The following SOX5 variants were observed in gnomAD, a reference collection of about 807,000 sequenced individuals.
SOX5 encodes transcription factor SOX-5.
A neutral mutation model predicts 92.0 loss-of-function variants in SOX5; 9 were observed. The ratio of observed to expected loss-of-function variants is 0.10; its 90% confidence interval spans 0.06 to 0.17. The LOEUF (loss-of-function observed/expected upper bound fraction) is 0.17. SOX5 is among the 10% of genes least tolerant of loss of function. The pLI is 1.00. For synonymous variants in SOX5, 344 were observed against 336.3 expected (o/e 1.02, Z -0.25); for missense variants, 642 against 944.5 (o/e 0.68, Z 4.20).
intron 4 of SOX5, among the ~76,000 whole-genome samples, chr12:23,965,503 C>A (rs963465827): frequency 6.6e-6 from 1 of 152,160 alleles, no homozygotes; most frequent in Admixed American, 6.5e-5. Flanking sequence ...TGTGGACAGA[C>A]CATCTGTGCT....
intron 1 of SOX5, among the ~76,000 whole-genome samples, chr12:24,374,146 G>A (rs761512548): frequency 1.2e-4 from 18 of 152,266 alleles, no homozygotes; most frequent in Admixed American, 2.6e-4. Context: ...GCTCAGAGGC[G>A]GGGTTCAGGC....
chr12:24,127,208 T>G (rs1949187848), intron 4 of SOX5, among the ~76,000 whole-genome samples: 1 of 151,520 alleles, frequency 6.6e-6, no homozygotes, highest in Non-Finnish European at 1.5e-5. Context: ...CTGGGCAACA[T>G]GGCAAAACCC....
intron 7 of SOX5, among the ~76,000 whole-genome samples, chr12:23,658,841 C>T (rs1052571669): frequency 6.6e-6 from 1 of 152,058 alleles, no homozygotes; most frequent in African/African-American, 2.4e-5. Flanking sequence ...TGCAGTGAGC[C>T]GAGATCGTGC....
chr12:24,148,571 TG>T (rs1053250064), intron 4 of SOX5, among the ~76,000 whole-genome samples: 1 of 148,010 alleles, frequency 6.8e-6, no homozygotes, highest in Admixed American at 6.8e-5. Flanking sequence ...TCACAGGGGC[TG>T]GGTGTGGTGT....
intron 8 of SOX5, among the ~76,000 whole-genome samples, chr12:23,616,358 T>C (rs147537559): frequency 1.3e-5 from 2 of 152,226 alleles, no homozygotes; most frequent in Admixed American, 6.5e-5. Flanking sequence ...ACATTTCTCC[T>C]GCTGCTTCCC....
intron 3 of SOX5, among the ~76,000 whole-genome samples, chr12:23,804,918 TATATA>T (rs2095736909): frequency 2.0e-3 from 8 of 4,026 alleles, no homozygotes; most frequent in South Asian, 0.012. Flanking sequence ...CATTGTTTTA[TATATA>T]TATATATATA....
At chr12:23,734,451 G>C (rs1390093255) in intron 6 of SOX5, among the ~76,000 whole-genome samples, 2 of 152,078 alleles carry the variant, frequency 1.3e-5, no homozygotes, top group Admixed American at 1.3e-4. Flanking sequence ...TTTCTTCTCA[G>C]CATAAGATGA....
At chr12:24,440,863 C>A (rs1940435069) in intron 1 of SOX5, among the ~76,000 whole-genome samples, 1 of 152,160 alleles carries the variant, frequency 6.6e-6, no homozygotes, top group South Asian at 2.1e-4. Context: ...AGCCCTGCTG[C>A]AGCTCTGATG....
chr12:23,801,911 C>G (rs899397412), intron 3 of SOX5, among the ~76,000 whole-genome samples: 1 of 152,064 alleles, frequency 6.6e-6, no homozygotes, highest in Non-Finnish European at 1.5e-5. Flanking sequence ...GGATTGACAA[C>G]GTCAATTCAG....
chr12:24,386,322 T>C (rs1207691176), intron 1 of SOX5, among the ~76,000 whole-genome samples: 2 of 152,192 alleles, frequency 1.3e-5, no homozygotes, highest in South Asian at 4.1e-4. Flanking sequence ...ATCATCATCA[T>C]AGCTGTCTTT....
intron 4 of SOX5, among the ~76,000 whole-genome samples, chr12:24,048,364 T>A (rs1434261874): frequency 6.6e-6 from 1 of 152,198 alleles, no homozygotes; most frequent in Non-Finnish European, 1.5e-5. Context: ...GAATTCCGCA[T>A]GTCTCAAGTC....
chr12:23,905,618 T>C (rs569058735), intron 1 of SOX5, among the ~76,000 whole-genome samples: 3 of 152,308 alleles, frequency 2.0e-5, no homozygotes, highest in Admixed American at 6.5e-5. Context: ...TCCACTGAAA[T>C]CATTTTATAA....
At chr12:24,365,872 A>C (rs1565996779) in intron 2 of SOX5, among the ~76,000 whole-genome samples, 1 of 152,012 alleles carries the variant, frequency 6.6e-6, no homozygotes, top group Non-Finnish European at 1.5e-5. Context: ...CTAGCAAAGA[A>C]GCACCCCCAA....
intron 4 of SOX5, among the ~76,000 whole-genome samples, chr12:24,212,790 T>C (rs906281531): frequency 1.3e-5 from 2 of 152,196 alleles, no homozygotes; most frequent in South Asian, 2.1e-4. Flanking sequence ...TAGAAATTGA[T>C]TTAATTAACT....
At chr12:23,705,156 G>A (rs1026337979) in intron 6 of SOX5, among the ~76,000 whole-genome samples, 21 of 152,068 alleles carry the variant, frequency 1.4e-4, no homozygotes, top group Admixed American at 1.1e-3. Context: ...AATCTCAGCT[G>A]TGCTAAATCT....
intron 8 of SOX5, among the ~76,000 whole-genome samples, chr12:23,610,795 T>C (rs1427037473): frequency 6.6e-6 from 1 of 152,030 alleles, no homozygotes; most frequent in East Asian, 1.9e-4. Context: ...CTCATTGTAG[T>C]CATAATCATA....
In SOX5 at chr12:24,393,720, A is replaced by C. The variant is rs1959192377; in HGVS notation, c.-250-25081T>G. 6.6e-6 allele frequency among the ~76,000 whole-genome samples: 1 copy of C among 152,232 alleles called. No homozygotes were observed. The highest frequency in any genetic ancestry group is 6.5e-5 in the Admixed American group (1 of 15,278). ...GGCAAAACTTTTCTATTCTTTAAAAAATTATGACACAATACTATCTTCCAT... is the reference window on the plus strand; with the variant it reads ...GGCAAAACTTTTCTATTCTTTAAAACATTATGACACAATACTATCTTCCAT... On this transcript the variant is annotated intron_variant, in intron 1 of 4. Coordinates refer to the SOX5 transcript ENST00000446891. This position sits in a 1 kb window ranked among gnomAD's most constrained non-coding sequence, Gnocchi z 5.0.
At chr12:23,660,319 T>G (rs1468514325) in intron 7 of SOX5, among the ~76,000 whole-genome samples, 2 of 150,518 alleles carry the variant, frequency 1.3e-5, no homozygotes, top group African/African-American at 4.9e-5. Flanking sequence ...GATAATCTCG[T>G]TTGATCTTTG....
chr12:24,045,472 AT>A (rs1297951978), intron 4 of SOX5, among the ~76,000 whole-genome samples: 5 of 152,030 alleles, frequency 3.3e-5, no homozygotes, highest in Admixed American at 2.6e-4. Context: ...TAATTTTTAA[AT>A]TTTTTTGTAG....
Sources: allele counts gnomAD v4.1 joint callset (sites outside exome capture counted in the v4.1 genomes callset), GRCh38; gene constraint gnomAD v4.1.1; non-coding constraint Gnocchi (gnomAD v3.1); transcripts MANE v1.5; gene names NCBI Gene and HGNC (gene_info 2026-07-23, HGNC 2026-07-21).